TET3: variants seen among roughly 807,000 people sequenced by gnomAD.
TET3 encodes the protein tet methylcytosine dioxygenase 3, also known as methylcytosine dioxygenase TET3.
A neutral mutation model predicts 141.4 loss-of-function variants in TET3; 19 were observed. The observed-to-expected ratio is 0.13, with a 90% CI of 0.09 to 0.20. The LOEUF (loss-of-function observed/expected upper bound fraction) is 0.20, where lower values mean the gene tolerates loss of function less well. TET3 is among the 10% of genes least tolerant of loss of function. The pLI is 1.00. For synonymous variants in TET3, 1,043 were observed against 980.9 expected (o/e 1.06, Z -1.18); for missense variants, 1,874 against 2,356.9 (o/e 0.80, Z 4.24).
chr2:74,100,123 T>TG (rs1691095095), intron 11 of TET3, among the ~76,000 whole-genome samples: 1 of 152,184 alleles, frequency 6.6e-6, no homozygotes, highest in Admixed American at 6.5e-5. Context: ...GAGGAGTCGG[T>TG]GGGGGTACTG....
chr2:74,080,677 C>G, intron 6 of TET3, 86 bp downstream of exon 6: 2 of 1,140,188 alleles, frequency 1.8e-6, no homozygotes, highest in Non-Finnish European at 1.2e-6. Context: ...CCCCTTGCTG[C>G]ATGTAGCTGA....
In TET3 at chr2:74,073,706, C is replaced by T. The variant is rs1689340483; in HGVS notation, c.2585+67C>T. On this transcript the variant is annotated intron_variant, in intron 5 of 11. Coordinates refer to ENST00000409262, the MANE Select transcript of TET3 (RefSeq NM_001287491.2). ...TTAATGGAATACGGATATTAAGCGC[C>T]TCTCATTTTTCTTTGCCTTGTAACA... 4 of 1,336,876 alleles carry T rather than the reference C, an allele frequency of 3.0e-6. No individual in the cohort carries two copies. In the Admixed American group the frequency reaches 9.7e-5, roughly 33 times the overall value. The allele number at this position is 1,336,876 out of a possible 1,614,324, so 82.8% of individuals were successfully genotyped here. A position where few individuals can be genotyped will look rare whatever the true frequency, so the allele number is the denominator to read the frequency against.
At chr2:74,020,004 A>G (rs1685950158) in intron 3 of TET3, among the ~76,000 whole-genome samples, 1 of 152,240 alleles carries the variant, frequency 6.6e-6, no homozygotes, top group African/African-American at 2.4e-5. Context: ...GGCTGGAAGC[A>G]GAGCTTGTAC....
chr2:74,074,879 TTTG>T (rs1406513063), intron 5 of TET3, among the ~76,000 whole-genome samples: 8 of 130,984 alleles, frequency 6.1e-5, no homozygotes, highest in Non-Finnish European at 9.8e-5. Context: ...GTTTGTTTTG[TTTG>T]TTTTTTTTTG....
At chr2:74,003,907 C>T (rs906840814) in intron 3 of TET3, among the ~76,000 whole-genome samples, 1 of 151,938 alleles carries the variant, frequency 6.6e-6, no homozygotes, top group Admixed American at 6.5e-5. Flanking sequence ...AGTAGAGTAT[C>T]AGCCATTACT....
At chr2:74,066,766 C>T (rs888910405) in intron 4 of TET3, among the ~76,000 whole-genome samples, 6 of 152,154 alleles carry the variant, frequency 3.9e-5, no homozygotes, top group African/African-American at 7.2e-5. Context: ...TCTTGTTTTC[C>T]AGCTATTGGG....
At chr2:74,090,643 C>T (rs1249135166) in intron 8 of TET3, among the ~76,000 whole-genome samples, 3 of 152,202 alleles carry the variant, frequency 2.0e-5, no homozygotes, top group Non-Finnish European at 2.9e-5. Context: ...CAGACCCCTG[C>T]CCTGCAGGGC....
chr2:74,061,364 G>A (rs1490234531), intron 4 of TET3, among the ~76,000 whole-genome samples: 3 of 141,832 alleles, frequency 2.1e-5, no homozygotes, highest in Non-Finnish European at 4.7e-5. Context: ...CTGGCCGGGT[G>A]GGGGGCTGAC....
At chr2:74,109,193 G>T (rs1425298637), downstream of TET3, among the ~76,000 whole-genome samples, 1 of 152,202 alleles carries the variant, frequency 6.6e-6, no homozygotes, top group Non-Finnish European at 1.5e-5. Context: ...TCCTCCTTCA[G>T]CTGGGGCTGG....
At chr2:74,042,347 G>T (rs1011590094) in intron 3 of TET3, among the ~76,000 whole-genome samples, 1 of 152,184 alleles carries the variant, frequency 6.6e-6, no homozygotes, top group Non-Finnish European at 1.5e-5. Flanking sequence ...TTTCAAGAAG[G>T]CAGTGTGGAG....
the TET3 span, among the ~76,000 whole-genome samples, chr2:74,116,897 A>T: frequency 6.6e-6 from 1 of 152,014 alleles, no homozygotes; most frequent in Non-Finnish European, 1.5e-5. Context: ...TGCATGAGAC[A>T]CTCCAGGGAG....
intron 3 of TET3, among the ~76,000 whole-genome samples, chr2:74,028,664 A>C (rs1233565594): frequency 6.6e-6 from 1 of 152,234 alleles, no homozygotes; most frequent in Non-Finnish European, 1.5e-5. Flanking sequence ...GGTTACTTGC[A>C]TGTATTGTTT....
intron 6 of TET3, among the ~76,000 whole-genome samples, chr2:74,083,258 C>CAACAGAGGCAT (rs1397966357): frequency 1.3e-5 from 2 of 152,320 alleles, no homozygotes; most frequent in African/African-American, 4.8e-5. Flanking sequence ...AGGCTCAGAA[C>CAACAGAGGCAT]AACAGAGGCA....
intron 4 of TET3, among the ~76,000 whole-genome samples, chr2:74,057,516 A>G (rs1688281140): frequency 6.6e-6 from 1 of 152,264 alleles, no homozygotes; most frequent in Non-Finnish European, 1.5e-5. Flanking sequence ...CTGTCCAGGT[A>G]AACAGGAGTA....
chr2:74,115,436 C>T, the TET3 span, among the ~76,000 whole-genome samples: 9 of 152,022 alleles, frequency 5.9e-5, no homozygotes, highest in Admixed American at 2.0e-4. Flanking sequence ...GGATGGGAGA[C>T]GACACGGAAT....
Position 74,047,012 on chromosome 2 carries a change from G to A in TET3, c.1095G>A (p.Gln365=). 6.2e-7 allele frequency: 1 copy of A among 1,613,968 alleles called. No individual in the cohort carries two copies. Among genetic ancestry groups the A allele is most frequent in the Non-Finnish European group, 8.5e-7 (1 of 1,179,872 alleles). The change falls in exon 4 of 12, where the codon CAG becomes CAA. Residue 365 remains glutamine, a synonymous_variant. Coordinates refer to ENST00000409262, the MANE Select transcript of TET3 (RefSeq NM_001287491.2). ...CCATTGCCATTGAGGCCCTCACACAGCTCTCCTCTGCCCTCCCGCAGCCTT... is the reference window on the plus strand; with the variant it reads ...CCATTGCCATTGAGGCCCTCACACAACTCTCCTCTGCCCTCCCGCAGCCTT... ...QTAIAIEALT[Q]LSSALPQPSH...
chr2:73,990,890 G>T (rs951950206), intron 2 of TET3, among the ~76,000 whole-genome samples: 2 of 152,296 alleles, frequency 1.3e-5, no homozygotes, highest in East Asian at 3.9e-4. Context: ...GAATTGACTA[G>T]AGAAGTGGAA....
At chr2:74,083,135 AG>A (rs1324072433) in intron 6 of TET3, among the ~76,000 whole-genome samples, 1 of 152,096 alleles carries the variant, frequency 6.6e-6, no homozygotes, top group Non-Finnish European at 1.5e-5. Context: ...GTGTGTTGAG[AG>A]GATGACCTAG....
chr2:73,993,937 T>C (rs1684453797), intron 2 of TET3, among the ~76,000 whole-genome samples: 1 of 152,050 alleles, frequency 6.6e-6, no homozygotes, highest in South Asian at 2.1e-4. Context: ...GCAGAATCGA[T>C]GTGTGCCCTT....
Sources: gnomAD v4.1 joint callset for allele counts (sites outside exome capture counted in the v4.1 genomes callset) on GRCh38, gnomAD v4.1.1 for gene constraint, MANE v1.5 for transcripts, NCBI Gene and HGNC (gene_info 2026-07-23, HGNC 2026-07-21) for gene names.